The following HELZ variants were observed in gnomAD, a reference collection of about 807,000 sequenced individuals.
The protein encoded by HELZ is helicase with zinc finger.
A neutral mutation model predicts 218.2 loss-of-function variants in HELZ; 23 were observed. The observed-to-expected ratio is 0.11, with a 90% CI of 0.08 to 0.15. The LOEUF is 0.15. Among genes scored for constraint, HELZ ranks in the 10% least tolerant of loss-of-function variants. The pLI is 1.00. For missense variants in HELZ, 1,813 were observed against 2,353.7 expected, an observed-to-expected ratio of 0.77 and a Z score of 4.75; for synonymous variants, 814 against 829.4, an observed-to-expected ratio of 0.98 and a Z score of 0.32.
At chr17:67,242,123 A>G (rs2041328398) in intron 2 of HELZ, among the ~76,000 whole-genome samples, 1 of 152,238 alleles carries the variant, frequency 6.6e-6, no homozygotes, top group African/African-American at 2.4e-5. Flanking sequence ...AGGCTTCAAG[A>G]AAAAAGATAA....
chr17:67,216,834 C>T (rs1391895944), intron 4 of HELZ, among the ~76,000 whole-genome samples: 1 of 152,148 alleles, frequency 6.6e-6, no homozygotes, highest in Non-Finnish European at 1.5e-5. Flanking sequence ...TTCCTTCCTT[C>T]ACGCGGCTAC....
chr17:67,214,145 A>G (rs9896024), intron 5 of HELZ, among the ~76,000 whole-genome samples: 13,341 of 152,116 alleles, frequency 0.088, 1,541 homozygotes, highest in African/African-American at 0.26. Flanking sequence ...TTTTTTTAAA[A>G]GAAAATTCTA....
At chr17:67,140,309 G>A (rs112580213) in intron 21 of HELZ, among the ~76,000 whole-genome samples, 5,158 of 152,252 alleles carry the variant, frequency 0.034, 285 homozygotes, top group African/African-American at 0.12. Flanking sequence ...TGCTCCATAA[G>A]TTCTGCCCAG....
Position 67,113,298 on chromosome 17 carries a change from C to T in HELZ, c.3918+1026G>A, listed in dbSNP as rs544714378. ...TTTTTTAGACAGAGTCTCGCTCTGT[C>T]GCCCTGGTTGGAGTGCAGTGGCGTG... On this transcript the variant is annotated intron_variant, in intron 28 of 32. Transcript: ENST00000358691. Among the ~76,000 whole-genome samples, 5 of 151,926 alleles carry T rather than the reference C, an allele frequency of 3.3e-5. No individual in the cohort carries two copies. In the South Asian group the frequency reaches 6.2e-4, roughly 19 times the overall value.
chr17:67,113,489 T>C (rs2037343282), intron 28 of HELZ, among the ~76,000 whole-genome samples: 1 of 152,166 alleles, frequency 6.6e-6, no homozygotes, highest in Non-Finnish European at 1.5e-5. Context: ...CTCAATCTCC[T>C]GATCTCATGA....
chr17:67,137,897 T>C (rs1379317341), intron 22 of HELZ, 34 bp downstream of exon 22: 24 of 1,508,572 alleles, frequency 1.6e-5, no homozygotes, highest in Non-Finnish European at 2.0e-5. Flanking sequence ...ATTTAAGCAT[T>C]TGAATGACTG....
intron 21 of HELZ, among the ~76,000 whole-genome samples, chr17:67,139,334 G>C (rs1195378598): frequency 6.6e-6 from 1 of 152,062 alleles, no homozygotes; most frequent in Non-Finnish European, 1.5e-5. Flanking sequence ...TCACTATCAG[G>C]AAACAGAGTA....
chr17:67,089,733 AGATT>A (rs1216085540), intron 31 of HELZ, among the ~76,000 whole-genome samples: 6 of 148,060 alleles, frequency 4.1e-5, no homozygotes, highest in Non-Finnish European at 7.4e-5. Context: ...AGAGACAGAG[AGATT>A]GATTGATTTT....
At chr17:67,173,930 A>G (rs1209810147) in intron 13 of HELZ, among the ~76,000 whole-genome samples, 2 of 152,244 alleles carry the variant, frequency 1.3e-5, no homozygotes, top group East Asian at 3.9e-4. Context: ...TGAGGCATGC[A>G]CAGTTTAATG....
intron 3 of HELZ, chr17:67,225,083 T>C (rs1348201014): frequency 3.8e-6 from 2 of 526,470 alleles, no homozygotes; most frequent in Non-Finnish European, 6.9e-6. Context: ...CTTGAGTTTA[T>C]GTTTAAAAAA....
intron 12 of HELZ, 71 bp from the exon 13 acceptor site, chr17:67,178,997 T>A: frequency 1.0e-6 from 1 of 985,496 alleles, no homozygotes; most frequent in East Asian, 2.6e-5. Context: ...TTAAAATTCT[T>A]AACTATATTA....
intron 20 of HELZ, among the ~76,000 whole-genome samples, chr17:67,147,960 T>C (rs1186904380): frequency 1.3e-5 from 2 of 152,254 alleles, no homozygotes; most frequent in Non-Finnish European, 2.9e-5. Flanking sequence ...TAGGCACTCT[T>C]CATCTGTATC....
chr17:67,223,262 A>C (rs1421122439), intron 3 of HELZ, among the ~76,000 whole-genome samples: 1 of 151,798 alleles, frequency 6.6e-6, no homozygotes, highest in Admixed American at 6.6e-5. Context: ...TCCGTCTCAA[A>C]AAAGAAAAAA....
intron 15 of HELZ, among the ~76,000 whole-genome samples, chr17:67,165,976 A>T (rs1391762373): frequency 1.3e-5 from 2 of 151,946 alleles, no homozygotes; most frequent in South Asian, 2.1e-4. Flanking sequence ...ACAAAAAAAA[A>T]TTTTTTTTAA....
intron 23 of HELZ, among the ~76,000 whole-genome samples, chr17:67,133,975 C>T (rs541818899): frequency 1.1e-3 from 172 of 152,194 alleles, no homozygotes; most frequent in African/African-American, 4.0e-3. Flanking sequence ...ACATTCTAAA[C>T]GAAATATACT....
intron 23 of HELZ, among the ~76,000 whole-genome samples, chr17:67,130,654 T>C (rs1438472221): frequency 6.6e-6 from 1 of 152,166 alleles, no homozygotes. Flanking sequence ...TATATAGCAC[T>C]CAGGATCTAA....
In HELZ at chr17:67,086,625, AATATAAATATATATAT is replaced by A. The variant is rs1201283999; in HGVS notation, c.5494+188_5494+203del. ...TAATATATATATATAAATAAATATAAATATAAATATATATATATATATATATATATATATATATAGA... is the reference window on the plus strand; with the variant it reads ...TAATATATATATATAAATAAATATAAATATATATATATATATATATATAGA... On this transcript the variant is annotated intron_variant, in intron 32 of 32. Coordinates refer to ENST00000358691, the MANE Select transcript of HELZ (RefSeq NM_014877.4). Among the ~76,000 whole-genome samples the A allele has an allele frequency of 8.6e-3, 333 of 38,548 alleles. 4 individuals carry two copies. Among genetic ancestry groups the A allele is most frequent in the Middle Eastern group, 0.024 (2 of 82 alleles). 25.3% of individuals were successfully genotyped at this position (38,548 alleles called of 152,430 possible). A position where few individuals can be genotyped will look rare whatever the true frequency, so the allele number is the denominator to read the frequency against.
At chr17:67,104,155 C>T (rs1472728091) in intron 31 of HELZ, among the ~76,000 whole-genome samples, 2 of 152,082 alleles carry the variant, frequency 1.3e-5, no homozygotes, top group African/African-American at 4.8e-5. Flanking sequence ...TAAAAAGGGG[C>T]CGGGTGCGGT....
At chr17:67,156,011 C>T (rs1018929346) in intron 17 of HELZ, among the ~76,000 whole-genome samples, 2 of 147,350 alleles carry the variant, frequency 1.4e-5, no homozygotes, top group African/African-American at 4.9e-5. Flanking sequence ...TATATACACA[C>T]ATAATTTTTA....
Sources: allele counts gnomAD v4.1 joint callset (sites outside exome capture counted in the v4.1 genomes callset), GRCh38; gene constraint gnomAD v4.1.1; transcripts MANE v1.5; gene names NCBI Gene and HGNC (gene_info 2026-07-23, HGNC 2026-07-21).